Variants in TDP1 observed in about 807,000 individuals in gnomAD.
TDP1 encodes tyrosyl-DNA phosphodiesterase 1.
Under a neutral mutation model 81.5 loss-of-function variants are expected in TDP1, and 64 were observed. The observed-to-expected ratio is 0.79, with a 90% CI of 0.64 to 0.97. The LOEUF is 0.97. Among genes scored for constraint, TDP1 ranks in the 50% least tolerant of loss-of-function variants. TDP1 has a pLI of 0.00. For synonymous variants in TDP1, 256 were observed against 264.3 expected, an observed-to-expected ratio of 0.97 and a Z score of 0.30; for missense variants, 723 against 743.8, an observed-to-expected ratio of 0.97 and a Z score of 0.33.
chr14:89,970,842 T>C, intron 5 of TDP1: 1 of 759,140 alleles, frequency 1.3e-6, no homozygotes, highest in Non-Finnish European at 1.6e-6. Flanking sequence ...TTTATTTATT[T>C]ATTTATTTAT....
At chr14:90,025,962 C>G (rs966811033) in intron 15 of TDP1, among the ~76,000 whole-genome samples, 1 of 152,196 alleles carries the variant, frequency 6.6e-6, no homozygotes, top group Non-Finnish European at 1.5e-5. Flanking sequence ...ATCTGAGAAG[C>G]CTGGATCAGG....
intron 15 of TDP1, among the ~76,000 whole-genome samples, chr14:90,021,362 T>C (rs1169665686): frequency 6.6e-6 from 1 of 152,214 alleles, no homozygotes; most frequent in African/African-American, 2.4e-5. Context: ...CTGTGGCTTT[T>C]ATAATAACTG....
chr14:89,964,457 GAAGTA>G (rs142927548), intron 3 of TDP1, among the ~76,000 whole-genome samples: 1,634 of 152,300 alleles, frequency 0.011, 14 homozygotes, highest in South Asian at 0.021. Flanking sequence ...GCAAATATAT[GAAGTA>G]ACCAGTGTAA....
intron 8 of TDP1, chr14:89,983,057 A>G (rs1895172799): frequency 4.4e-6 from 2 of 451,252 alleles, no homozygotes; most frequent in Admixed American, 2.4e-5. Flanking sequence ...TGTGTTAAAA[A>G]TGCCTCATAT....
intron 14 of TDP1, among the ~76,000 whole-genome samples, chr14:89,994,304 G>A (rs1566886091): frequency 6.6e-6 from 1 of 152,174 alleles, no homozygotes; most frequent in Non-Finnish European, 1.5e-5. Context: ...TAAGGAATTG[G>A]CTCATGCAAT....
At chr14:90,035,976 A>G (rs150243702) in intron 16 of TDP1, among the ~76,000 whole-genome samples, 4 of 152,272 alleles carry the variant, frequency 2.6e-5, no homozygotes, top group African/African-American at 9.6e-5. Context: ...CCAGTAAAGT[A>G]AGCATTCCCA....
intron 16 of TDP1, 191 bp downstream of exon 16, chr14:90,033,405 C>A (rs1252402797): frequency 3.0e-6 from 2 of 671,810 alleles, no homozygotes; most frequent in East Asian, 5.7e-5. Flanking sequence ...CCTTTGCACT[C>A]CTATAATTAC....
intron 3 of TDP1, among the ~76,000 whole-genome samples, chr14:89,965,135 C>T (rs939802363): frequency 2.6e-5 from 4 of 152,202 alleles, no homozygotes; most frequent in Non-Finnish European, 5.9e-5. Flanking sequence ...ATCTCTGCAA[C>T]TCTCCCAATA....
At chr14:90,028,074 C>T (rs77277355) in intron 15 of TDP1, among the ~76,000 whole-genome samples, 1 of 152,316 alleles carries the variant, frequency 6.6e-6, no homozygotes, top group Non-Finnish European at 1.5e-5. Context: ...CTTTGCTTAT[C>T]AAAAACCCAT....
chr14:89,997,697 C>T (rs1007575548), intron 14 of TDP1, among the ~76,000 whole-genome samples: 1 of 152,170 alleles, frequency 6.6e-6, no homozygotes, highest in Non-Finnish European at 1.5e-5. Context: ...TCATGCCTAC[C>T]AGGTGTTCCA....
chr14:89,975,099 G>A (rs965364048), intron 6 of TDP1, among the ~76,000 whole-genome samples: 1 of 152,016 alleles, frequency 6.6e-6, no homozygotes, highest in Non-Finnish European at 1.5e-5. Flanking sequence ...TTTTGGAGAC[G>A]GAGTCTCGCT....
intron 2 of TDP1, among the ~76,000 whole-genome samples, chr14:89,961,840 CAA>C (rs1410109646): frequency 6.6e-6 from 1 of 152,172 alleles, no homozygotes; most frequent in African/African-American, 2.4e-5. Flanking sequence ...TTACTCCACT[CAA>C]TGCATCTTTT....
intron 15 of TDP1, among the ~76,000 whole-genome samples, chr14:90,026,351 G>A (rs944237713): frequency 6.6e-6 from 1 of 152,212 alleles, no homozygotes; most frequent in African/African-American, 2.4e-5. Flanking sequence ...GCGTATCTTG[G>A]TACCTGCTGA....
chr14:90,006,779 T>C (rs1897736221), intron 14 of TDP1, among the ~76,000 whole-genome samples: 1 of 152,186 alleles, frequency 6.6e-6, no homozygotes, highest in African/African-American at 2.4e-5. Flanking sequence ...CCTCAGGTGA[T>C]CCGCCCACCT....
At chr14:89,978,714 G>A (rs1894633341) in intron 7 of TDP1, among the ~76,000 whole-genome samples, 1 of 152,190 alleles carries the variant, frequency 6.6e-6, no homozygotes, top group Admixed American at 6.5e-5. Flanking sequence ...TTGACTAATG[G>A]AAATATTTGT....
rs34689603 is a variant in TDP1, at chr14:89,997,033, T to G, written c.1541+3550T>G. On this transcript the variant is annotated intron_variant, in intron 14 of 16. Transcript: ENST00000335725. ...GGCATGAAAGAGATTTACCAAAGAA[T>G]TCATTGTATACATATTAGTTAATTG... is the stretch of plus-strand genomic sequence containing the variant. Among the ~76,000 whole-genome samples, 635 of 152,318 alleles carry G rather than the reference T, an allele frequency of 4.2e-3. 4 individuals carry two copies. Among genetic ancestry groups the G allele is most frequent in the Non-Finnish European group, 6.8e-3 (464 of 68,024 alleles).
chr14:89,984,794 G>C, intron 9 of TDP1, 111 bp downstream of exon 9: 1 of 1,594,582 alleles, frequency 6.3e-7, no homozygotes, highest in Non-Finnish European at 8.5e-7. Flanking sequence ...ATCTAGCCAA[G>C]CTTCAGGATG....
At chr14:89,991,781 ACTATT>A in intron 12 of TDP1, 131 bp from the exon 13 acceptor site, 4 of 1,204,200 alleles carry the variant, frequency 3.3e-6, no homozygotes, top group Non-Finnish European at 4.5e-6. Flanking sequence ...CTTTCAAATA[ACTATT>A]CTATAAGATG....
chr14:89,990,348 CTAGT>C (rs757317788), intron 12 of TDP1, among the ~76,000 whole-genome samples: 1 of 152,116 alleles, frequency 6.6e-6, no homozygotes, highest in Non-Finnish European at 1.5e-5. Context: ...AGCAGCCCCG[CTAGT>C]TAGTGTAATC....
Sources: allele counts gnomAD v4.1 joint callset (sites outside exome capture counted in the v4.1 genomes callset), GRCh38; gene constraint gnomAD v4.1.1; transcripts MANE v1.5; gene names NCBI Gene and HGNC (gene_info 2026-07-23, HGNC 2026-07-21).